The following SLC24A2 variants were observed in gnomAD, a reference collection of about 807,000 sequenced individuals.
SLC24A2 encodes solute carrier family 24 member 2, also known as sodium/potassium/calcium exchanger 2.
In SLC24A2, 36 loss-of-function variants were observed where a neutral mutation model predicts 62.0. The ratio of observed to expected loss-of-function variants is 0.58; its 90% confidence interval spans 0.44 to 0.77. The LOEUF is 0.77. Among genes scored for constraint, SLC24A2 ranks in the 30% least tolerant of loss-of-function variants. The pLI is 0.00. For missense variants in SLC24A2, 846 were observed against 817.9 expected (o/e 1.03, Z -0.42); for synonymous variants, 358 against 294.0 (o/e 1.22, Z -2.23).
the SLC24A2 span, among the ~76,000 whole-genome samples, chr9:19,825,202 A>G: frequency 2.0e-5 from 3 of 152,202 alleles, no homozygotes; most frequent in African/African-American, 7.2e-5. Context: ...AAAAGTTAAC[A>G]TCAATTCATT....
At chr9:20,176,706 C>G in the SLC24A2 span, among the ~76,000 whole-genome samples, 1 of 152,010 alleles carries the variant, frequency 6.6e-6, no homozygotes, top group Non-Finnish European at 1.5e-5. Flanking sequence ...GGTCTTAGGT[C>G]TACTTTGCTT....
At chr9:19,529,728 T>A (rs7020548) in intron 8 of SLC24A2, among the ~76,000 whole-genome samples, 39,120 of 150,692 alleles carry the variant, frequency 0.26, 5,590 homozygotes, top group South Asian at 0.51. Context: ...AATCATTTTT[T>A]TAAAGTGGAG....
chr9:19,601,302 G>GA (rs1364803811), intron 4 of SLC24A2, among the ~76,000 whole-genome samples: 1 of 152,156 alleles, frequency 6.6e-6, no homozygotes, highest in Non-Finnish European at 1.5e-5. Context: ...AGGGAGGATT[G>GA]AAAAAAGAGC....
At chr9:19,557,596 G>C (rs771878482) in intron 7 of SLC24A2, among the ~76,000 whole-genome samples, 1 of 152,132 alleles carries the variant, frequency 6.6e-6, no homozygotes, top group Admixed American at 6.5e-5. Context: ...ATGCTGGCAG[G>C]GCCAGCTAGT....
the SLC24A2 span, among the ~76,000 whole-genome samples, chr9:19,948,986 T>G: frequency 6.6e-6 from 1 of 152,094 alleles, no homozygotes; most frequent in Admixed American, 6.6e-5. Context: ...TTCCATTTAT[T>G]TATTTATTTA....
chr9:20,167,924 G>A, the SLC24A2 span, among the ~76,000 whole-genome samples: 1 of 151,318 alleles, frequency 6.6e-6, no homozygotes, highest in East Asian at 2.0e-4. Flanking sequence ...GCAATTTTTA[G>A]GCTTTACCTC....
intron 4 of SLC24A2, among the ~76,000 whole-genome samples, chr9:19,606,482 A>T (rs1031347846): frequency 1.3e-5 from 2 of 152,234 alleles, no homozygotes; most frequent in Admixed American, 6.5e-5. Flanking sequence ...ACAGCACTTA[A>T]ACTGGCATTC....
At chr9:19,878,377 T>TA in the SLC24A2 span, among the ~76,000 whole-genome samples, 1 of 152,174 alleles carries the variant, frequency 6.6e-6, no homozygotes. Context: ...CTTGGATTTT[T>TA]AAAAAATTAA....
chr9:20,188,424 G>T, the SLC24A2 span, among the ~76,000 whole-genome samples: 4 of 152,192 alleles, frequency 2.6e-5, no homozygotes, highest in South Asian at 4.1e-4. Context: ...GGAGCCAAAG[G>T]TCCTGCATGA....
At chr9:20,254,004 T>C in the SLC24A2 span, among the ~76,000 whole-genome samples, 1 of 151,954 alleles carries the variant, frequency 6.6e-6, no homozygotes, top group Non-Finnish European at 1.5e-5. Context: ...AATAAAGAGA[T>C]AAAAGCAAAG....
the SLC24A2 span, among the ~76,000 whole-genome samples, chr9:20,194,618 C>G: frequency 3.9e-5 from 6 of 152,032 alleles, no homozygotes; most frequent in Non-Finnish European, 7.4e-5. Flanking sequence ...CCTAAGAACT[C>G]CTTTGTATAG....
intron 5 of SLC24A2, among the ~76,000 whole-genome samples, chr9:19,593,698 C>T (rs1214038755): frequency 6.6e-6 from 1 of 152,144 alleles, no homozygotes; most frequent in Non-Finnish European, 1.5e-5. Flanking sequence ...CCAATTCCAT[C>T]TGCCCCTGTT....
chr9:20,291,223 G>C, the SLC24A2 span, among the ~76,000 whole-genome samples: 6 of 152,154 alleles, frequency 3.9e-5, no homozygotes, highest in African/African-American at 1.4e-4. Flanking sequence ...ACACAGGAGA[G>C]CATAAGAGAA....
At chr9:20,191,060 A>G in the SLC24A2 span, among the ~76,000 whole-genome samples, 6 of 152,086 alleles carry the variant, frequency 3.9e-5, no homozygotes, top group African/African-American at 1.2e-4. Flanking sequence ...ACTTTGAAAG[A>G]TTATTTCCCC....
At position 19,686,583 on chromosome 9, in the gene SLC24A2, T is replaced by C. The variant is rs377271032; in HGVS notation, c.931-64284A>G. ...CATGGGGCGGTTACCTTCATGCTGT[T>C]CTCATGATAGTGAGTTCTCACAAGA... On this transcript the variant is annotated intron_variant, in intron 2 of 10. Transcript: ENST00000341998. Among the ~76,000 whole-genome samples the C allele has an allele frequency of 2.0e-4, 30 of 152,268 alleles. No homozygotes were observed. The South Asian group carries it at 2.1e-3, about 11-fold the overall frequency.
the SLC24A2 span, among the ~76,000 whole-genome samples, chr9:19,990,964 T>C: frequency 1.1e-5 from 1 of 94,578 alleles, no homozygotes; most frequent in African/African-American, 4.2e-5. Flanking sequence ...TTATATATAC[T>C]ATATATGTAT....
At chr9:19,909,032 C>T in the SLC24A2 span, among the ~76,000 whole-genome samples, 2 of 152,070 alleles carry the variant, frequency 1.3e-5, no homozygotes, top group East Asian at 1.9e-4. Context: ...CACATGCACA[C>T]GTATGTTTAT....
intron 8 of SLC24A2, among the ~76,000 whole-genome samples, chr9:19,547,224 C>G (rs368560035): frequency 6.6e-6 from 1 of 152,166 alleles, no homozygotes; most frequent in Non-Finnish European, 1.5e-5. Flanking sequence ...TGGAATAGCA[C>G]AGAGTACTCA....
chr9:19,646,906 C>T (rs1437220909), intron 2 of SLC24A2, among the ~76,000 whole-genome samples: 1 of 152,098 alleles, frequency 6.6e-6, no homozygotes, highest in Non-Finnish European at 1.5e-5. Context: ...TCTTTAGTTA[C>T]ATTACTTAAC....
Sources: gnomAD v4.1 joint callset for allele counts (sites outside exome capture counted in the v4.1 genomes callset) on GRCh38, gnomAD v4.1.1 for gene constraint, MANE v1.5 for transcripts, NCBI Gene and HGNC (gene_info 2026-07-23, HGNC 2026-07-21) for gene names.